The following PDE4D variants were observed in gnomAD, a reference collection of about 807,000 sequenced individuals.
The protein encoded by PDE4D is phosphodiesterase 4D.
In PDE4D, 24 loss-of-function variants were observed where a neutral mutation model predicts 87.4. The ratio of observed to expected loss-of-function variants is 0.27; its 90% CI spans 0.20 to 0.39. The LOEUF (loss-of-function observed/expected upper bound fraction) is 0.39. PDE4D is among the 10% of genes least tolerant of loss of function. The probability of loss-of-function intolerance (pLI) is 1.00; values close to 1 mark genes in which losing one functional copy is unlikely to be tolerated. For synonymous variants in PDE4D, 384 were observed against 383.2 expected, an observed-to-expected ratio of 1.00 and a Z score of -0.02; for missense variants, 714 against 1,041.0, an observed-to-expected ratio of 0.69 and a Z score of 4.32.
intron 2 of PDE4D, among the ~76,000 whole-genome samples, chr5:60,115,774 A>C (rs536878548): frequency 6.6e-6 from 1 of 152,256 alleles, no homozygotes; most frequent in Admixed American, 6.5e-5. Flanking sequence ...ATTCCATTGT[A>C]TTATAATACC....
intron 2 of PDE4D, among the ~76,000 whole-genome samples, chr5:60,042,906 T>C (rs980156251): frequency 6.6e-6 from 1 of 151,824 alleles, no homozygotes; most frequent in Non-Finnish European, 1.5e-5. Flanking sequence ...GGATCACAAC[T>C]CCTCACCAGC....
At position 59,814,006 on chromosome 5, in the gene PDE4D, A is replaced by G. The variant is rs75263088; in HGVS notation, c.455+79162T>C. Reference sequence around the variant, plus strand: ...TATATTCTGTCCCTAAGTTAATGTAAGAGATTCATACGCCTTAGGAAGACG... The same window carrying G: ...TATATTCTGTCCCTAAGTTAATGTAGGAGATTCATACGCCTTAGGAAGACG... On this transcript the variant is annotated intron_variant, in intron 1 of 14. Transcript: ENST00000340635. Among the ~76,000 whole-genome samples the G allele has an allele frequency of 8.5e-3, 1,291 of 152,320 alleles. 17 individuals carry two copies. The highest frequency in any genetic ancestry group is 0.029 in the African/African-American group (1,217 of 41,560).
At chr5:59,142,126 T>G (rs1777985457) in intron 5 of PDE4D, among the ~76,000 whole-genome samples, 1 of 152,032 alleles carries the variant, frequency 6.6e-6, no homozygotes, top group African/African-American at 2.4e-5. Context: ...AGATAAGAGG[T>G]AAGAAAAATA....
chr5:60,501,711 T>C (rs868411953), intron 1 of PDE4D, among the ~76,000 whole-genome samples: 19 of 151,970 alleles, frequency 1.3e-4, no homozygotes, highest in Admixed American at 3.3e-4. Flanking sequence ...TGTGAGATGG[T>C]ATCTCATTGT....
chr5:59,901,078 T>C (rs1161983654), intron 3 of PDE4D, among the ~76,000 whole-genome samples: 1 of 152,184 alleles, frequency 6.6e-6, no homozygotes, highest in Non-Finnish European at 1.5e-5. Flanking sequence ...AATAGAAGAA[T>C]TGTAGCAGCA....
chr5:59,599,015 G>C (rs1827109370), intron 1 of PDE4D, among the ~76,000 whole-genome samples: 1 of 152,100 alleles, frequency 6.6e-6, no homozygotes, highest in East Asian at 1.9e-4. Context: ...ATTTGCTGGA[G>C]CAGAGGTGTT....
Position 58,977,299 on chromosome 5 carries a change from G to A in PDE4D, c.1599C>T (p.Asn533=). The change falls in exon 12 of 15, where the codon AAC becomes AAT. Residue 533 remains asparagine, a synonymous_variant. Transcript: ENST00000340635. ...LMYNDSSVLE[N]HHLAVGFKLL... ...ATTTAAAGCCCACAGCCAAATGATG[G>A]TTCTCTAAGACTGAGGAATCATTGT... The A allele has an allele frequency of 6.2e-7, 1 of 1,612,820 alleles. No homozygotes were observed. Among genetic ancestry groups the A allele is most frequent in the Non-Finnish European group, 8.5e-7 (1 of 1,179,352 alleles).
rs116398021 is a variant in PDE4D, at chr5:60,387,943, G to A, written c.-90+99999C>T. Among the ~76,000 whole-genome samples, 1,303 of 152,288 alleles carry A rather than the reference G, an allele frequency of 8.6e-3. 20 individuals are homozygous for A. The highest frequency in any genetic ancestry group is 0.03 in the African/African-American group (1,235 of 41,556). ...GTGTCTTTTGACCAACCAACTTCAA[G>A]TTGGGGTTTCCATGACCCCTTCTTT... On this transcript the variant is annotated intron_variant, in intron 1 of 16. Coordinates refer to the PDE4D transcript ENST00000502484.
At chr5:59,579,664 T>C (rs1237162241) in intron 1 of PDE4D, among the ~76,000 whole-genome samples, 1 of 152,286 alleles carries the variant, frequency 6.6e-6, no homozygotes, top group African/African-American at 2.4e-5. Context: ...GGCTCAACAA[T>C]GCCCCGCAGA....
intron 2 of PDE4D, among the ~76,000 whole-genome samples, chr5:60,018,574 T>C (rs1390611960): frequency 6.6e-6 from 1 of 152,172 alleles, no homozygotes; most frequent in Non-Finnish European, 1.5e-5. Flanking sequence ...GACACATCAG[T>C]GTGCTGTATT....
chr5:59,536,306 C>T (rs1412327743), intron 1 of PDE4D, among the ~76,000 whole-genome samples: 3 of 151,928 alleles, frequency 2.0e-5, no homozygotes, highest in Non-Finnish European at 2.9e-5. Flanking sequence ...GAGATTGAGA[C>T]CATCCTGGCT....
chr5:59,198,316 T>C (rs1221553175), intron 2 of PDE4D, among the ~76,000 whole-genome samples: 2 of 152,198 alleles, frequency 1.3e-5, no homozygotes, highest in East Asian at 3.8e-4. Flanking sequence ...TGTCTATATG[T>C]ATGTATGTAT....
At chr5:59,454,970 G>A (rs932910185) in intron 1 of PDE4D, among the ~76,000 whole-genome samples, 1 of 152,172 alleles carries the variant, frequency 6.6e-6, no homozygotes. Flanking sequence ...AAATTTCTAA[G>A]CAGCAAAGCA....
chr5:59,762,573 TGTATATGG>T (rs1354057719), intron 1 of PDE4D, among the ~76,000 whole-genome samples: 1 of 144,722 alleles, frequency 6.9e-6, no homozygotes, highest in South Asian at 2.2e-4. Flanking sequence ...TGTGTATATG[TGTATATGG>T]GTACACATAT....
chr5:60,438,865 A>G (rs1583771871), intron 1 of PDE4D, among the ~76,000 whole-genome samples: 1 of 152,132 alleles, frequency 6.6e-6, no homozygotes, highest in African/African-American at 2.4e-5. Context: ...GGGTGGTAAG[A>G]AAAGCAGTCA....
At chr5:59,341,329 T>C (rs1206266327) in intron 1 of PDE4D, among the ~76,000 whole-genome samples, 1 of 152,184 alleles carries the variant, frequency 6.6e-6, no homozygotes, top group African/African-American at 2.4e-5. Context: ...CTTCAATAGT[T>C]TGGTAACTTA....
intron 1 of PDE4D, among the ~76,000 whole-genome samples, chr5:59,400,339 T>G (rs1239274814): frequency 8.3e-6 from 1 of 120,900 alleles, no homozygotes. Flanking sequence ...AACCCAAATG[T>G]CCAACAACGA....
chr5:60,262,852 A>T (rs1749793724), intron 1 of PDE4D, among the ~76,000 whole-genome samples: 1 of 152,116 alleles, frequency 6.6e-6, no homozygotes, highest in Non-Finnish European at 1.5e-5. Flanking sequence ...GAGAATAGAG[A>T]GTGGAGAAAA....
intron 5 of PDE4D, among the ~76,000 whole-genome samples, chr5:59,082,145 T>C (rs80255769): frequency 1.5e-3 from 227 of 152,290 alleles, no homozygotes; most frequent in Middle Eastern, 0.01. Flanking sequence ...CACAGCAGCA[T>C]GAGAATGGCC....
Sources: gnomAD v4.1 joint callset for allele counts (sites outside exome capture counted in the v4.1 genomes callset) on GRCh38, gnomAD v4.1.1 for gene constraint, MANE v1.5 for transcripts, NCBI Gene and HGNC (gene_info 2026-07-23, HGNC 2026-07-21) for gene names.